Variants in SCAI observed in about 807,000 individuals in gnomAD.
SCAI encodes the protein suppressor of cancer cell invasion, also known as protein SCAI.
SCAI carries 24 observed loss-of-function variants against 92.2 expected under a neutral mutation model. The ratio of observed to expected loss-of-function variants is 0.26; its 90% CI spans 0.19 to 0.37. The LOEUF (loss-of-function observed/expected upper bound fraction) is 0.37, where lower values mean the gene tolerates loss of function less well. Among genes scored for constraint, SCAI ranks in the 10% least tolerant of loss-of-function variants. The probability of loss-of-function intolerance (pLI) is 1.00; values close to 1 mark genes in which losing one functional copy is unlikely to be tolerated. For synonymous variants in SCAI, 261 were observed against 258.6 expected, an observed-to-expected ratio of 1.01 and a Z score of -0.09; for missense variants, 450 against 736.2, an observed-to-expected ratio of 0.61 and a Z score of 4.50.
At chr9:125,109,417 C>T (rs561779297) in intron 2 of SCAI, among the ~76,000 whole-genome samples, 1 of 151,782 alleles carries the variant, frequency 6.6e-6, no homozygotes, top group South Asian at 2.1e-4. Context: ...GAAAGAGGAG[C>T]TTACATTTGT....
intron 14 of SCAI, among the ~76,000 whole-genome samples, chr9:124,994,379 A>G (rs1564370451): frequency 1.3e-5 from 2 of 152,186 alleles, no homozygotes; most frequent in African/African-American, 4.8e-5. Flanking sequence ...CATCACTTCA[A>G]TAGTGAAATA....
At chr9:124,953,366 C>T (rs745419962) in intron 17 of SCAI, among the ~76,000 whole-genome samples, 17 of 152,106 alleles carry the variant, frequency 1.1e-4, no homozygotes, top group Non-Finnish European at 1.6e-4. Context: ...CCATGGCTCA[C>T]GCCTGTAATC....
At chr9:125,092,897 A>G (rs1329721394) in intron 2 of SCAI, among the ~76,000 whole-genome samples, 2 of 152,188 alleles carry the variant, frequency 1.3e-5, no homozygotes, top group Non-Finnish European at 2.9e-5. Flanking sequence ...ACACACACCA[A>G]TTCACTTTGT....
At chr9:125,117,583 T>C (rs1230343288) in intron 2 of SCAI, among the ~76,000 whole-genome samples, 2 of 149,832 alleles carry the variant, frequency 1.3e-5, no homozygotes, top group East Asian at 2.0e-4. Context: ...GGAGAAATGC[T>C]TGTGCCTGGG....
At chr9:125,024,790 T>G (rs1037226051) in intron 6 of SCAI, among the ~76,000 whole-genome samples, 3 of 152,124 alleles carry the variant, frequency 2.0e-5, no homozygotes, top group African/African-American at 7.2e-5. Flanking sequence ...CTTTGGCCAT[T>G]TGCAACAGAA....
chr9:125,047,450 T>C lies in SCAI; in HGVS notation c.230+8426A>G, dbSNP rs572757682. Among the ~76,000 whole-genome samples the C allele has an allele frequency of 3.9e-5, 6 of 152,292 alleles. No homozygotes were observed. In the South Asian group the frequency reaches 6.2e-4, roughly 16 times the overall value. On this transcript the variant is annotated intron_variant, in intron 3 of 17. Coordinates refer to ENST00000336505, the MANE Select transcript of SCAI (RefSeq NM_001144877.3). ...CTATGGCACCTTGTTATGGCAGCCA[T>C]AGCAAACTGATACAGTAATATGGTA...
rs150983142 is a variant in SCAI, at chr9:125,042,615, A to ATGTGTG, written c.231-12882_231-12877dup. Among the ~76,000 whole-genome samples, 71 of 105,204 alleles carry ATGTGTG rather than the reference A, an allele frequency of 6.7e-4. 1 individual carries two copies. Among genetic ancestry groups the ATGTGTG allele is most frequent in the African/African-American group, 1.9e-3 (52 of 27,792 alleles). 69.0% of individuals were successfully genotyped at this position (105,204 alleles called of 152,430 possible). On this transcript the variant is annotated intron_variant, in intron 3 of 17. Coordinates refer to ENST00000336505, the MANE Select transcript of SCAI (RefSeq NM_001144877.3). Reference sequence around the variant, plus strand: ...CTAAATGCATGGCTTCCACCAGAGTATGTGTGTGTGTGTGTGTGTACACAC... The same window carrying ATGTGTG: ...CTAAATGCATGGCTTCCACCAGAGTATGTGTGTGTGTGTGTGTGTGTGTGTACACAC...
At chr9:124,983,049 G>A (rs1831918729) in intron 14 of SCAI, among the ~76,000 whole-genome samples, 1 of 151,736 alleles carries the variant, frequency 6.6e-6, no homozygotes. Flanking sequence ...GTACTCGGGA[G>A]GCTGACATAG....
intron 6 of SCAI, among the ~76,000 whole-genome samples, chr9:125,025,079 TG>T (rs1832941920): frequency 6.6e-6 from 1 of 152,242 alleles, no homozygotes; most frequent in African/African-American, 2.4e-5. Flanking sequence ...TTTTCTCTCC[TG>T]GCTCTTGATT....
intron 2 of SCAI, among the ~76,000 whole-genome samples, chr9:125,070,130 CA>C (rs1336404405): frequency 6.6e-6 from 1 of 152,072 alleles, no homozygotes; most frequent in Non-Finnish European, 1.5e-5. Context: ...AAAATTGTTG[CA>C]AATACACTCC....
chr9:125,074,122 G>A (rs1176775821), intron 2 of SCAI, among the ~76,000 whole-genome samples: 1 of 151,456 alleles, frequency 6.6e-6, no homozygotes, highest in African/African-American at 2.4e-5. Flanking sequence ...AGCCAGGTGT[G>A]GTGGCACGCG....
At chr9:124,961,861 T>A (rs985658410) in intron 17 of SCAI, among the ~76,000 whole-genome samples, 5 of 151,272 alleles carry the variant, frequency 3.3e-5, no homozygotes, top group African/African-American at 1.2e-4. Context: ...AACTAATAAA[T>A]GTCCTTTGTG....
chr9:125,138,249 C>CT (rs10570060), intron 2 of SCAI, among the ~76,000 whole-genome samples: 2,190 of 104,126 alleles, frequency 0.021, 57 homozygotes, highest in East Asian at 0.1. Flanking sequence ...ACTATTATTT[C>CT]TTTTTTTTTT....
At chr9:125,016,992 A>T in intron 9 of SCAI, among the ~76,000 whole-genome samples, 1 of 152,214 alleles carries the variant, frequency 6.6e-6, no homozygotes, top group Non-Finnish European at 1.5e-5. Flanking sequence ...GAGACAGAAG[A>T]TATCAGAAGA....
rs148299180 is a variant in SCAI at position 125,130,152 on chromosome 9, G to A, written c.98+12481C>T. Among the ~76,000 whole-genome samples the A allele has an allele frequency of 5.3e-3, 806 of 152,220 alleles. 9 individuals carry two copies. The highest frequency in any genetic ancestry group is 0.018 in the African/African-American group (762 of 41,538). On this transcript the variant is annotated intron_variant, in intron 2 of 17. Coordinates refer to ENST00000336505, the MANE Select transcript of SCAI (RefSeq NM_001144877.3). ...GACCTCAGGTGATCCGCCCGCCTCGGCCTTCCAAAGTGCTGGGATTACAGG... is the reference window on the plus strand; with the variant it reads ...GACCTCAGGTGATCCGCCCGCCTCGACCTTCCAAAGTGCTGGGATTACAGG...
At chr9:125,032,195 A>ATATATATATTT (rs1177865840) in intron 3 of SCAI, among the ~76,000 whole-genome samples, 82 of 99,416 alleles carry the variant, frequency 8.2e-4, no homozygotes, top group Middle Eastern at 5.9e-3. Context: ...ATATATATAT[A>ATATATATATTT]TTTTTTTTTT....
At chr9:124,965,515 G>A (rs1467459852) in intron 17 of SCAI, among the ~76,000 whole-genome samples, 5 of 152,312 alleles carry the variant, frequency 3.3e-5, no homozygotes, top group South Asian at 2.1e-4. Flanking sequence ...GATTACAGGC[G>A]TGAGCTACTG....
In SCAI at chr9:124,971,505, C is replaced by T. The variant is rs189731061; in HGVS notation, c.1574-35G>A. 9.1e-5 allele frequency: 139 copies of T among 1,522,808 alleles called. 2 individuals are homozygous for T. The East Asian group carries it at 2.9e-3, about 32-fold the overall frequency. 94.3% of individuals were successfully genotyped at this position (1,522,808 alleles called of 1,614,324 possible). Reference sequence around the variant, plus strand: ...GGAGAAAAGTGACAGTAAAAAGATGCTTAAATGGAAATTATGTTTCAAAGG... The same window carrying T: ...GGAGAAAAGTGACAGTAAAAAGATGTTTAAATGGAAATTATGTTTCAAAGG... On this transcript the variant is annotated intron_variant, in intron 16 of 17. Transcript: ENST00000336505.
At chr9:124,978,198 T>C (rs1223331554) in intron 14 of SCAI, among the ~76,000 whole-genome samples, 2 of 152,138 alleles carry the variant, frequency 1.3e-5, no homozygotes, top group Admixed American at 6.6e-5. Context: ...TCCCAGCACT[T>C]TGGGAGGCAG....
Sources: allele counts gnomAD v4.1 joint callset (sites outside exome capture counted in the v4.1 genomes callset), GRCh38; gene constraint gnomAD v4.1.1; transcripts MANE v1.5; gene names NCBI Gene and HGNC (gene_info 2026-07-23, HGNC 2026-07-21).